Variants in IL2RB observed in about 807,000 individuals in gnomAD.
The protein encoded by IL2RB is interleukin-2 receptor subunit beta.
IL2RB carries 17 observed loss-of-function variants against 44.2 expected under a neutral mutation model. The ratio of observed to expected loss-of-function variants is 0.38; its 90% confidence interval spans 0.26 to 0.58. The LOEUF is 0.58. Among genes scored for constraint, IL2RB ranks in the 20% least tolerant of loss-of-function variants. The pLI, the probability that IL2RB is intolerant of heterozygous loss-of-function variation, is 0.63. For synonymous variants in IL2RB, 286 were observed against 297.9 expected (o/e 0.96, Z 0.41); for missense variants, 624 against 685.5 (o/e 0.91, Z 1.00).
chr22:37,143,460 T>C (rs1387789383), intron 3 of IL2RB, 61 bp downstream of exon 3: 3 of 1,142,828 alleles, frequency 2.6e-6, no homozygotes, highest in Non-Finnish European at 4.0e-6. Context: ...GTCCAGTGCA[T>C]AGGATCCAGA....
chr22:37,174,229 G>A (rs117229697), intron 1 of IL2RB, among the ~76,000 whole-genome samples: 7,244 of 152,304 alleles, frequency 0.048, 283 homozygotes, highest in Admixed American at 0.1. Context: ...GGAAGGGTTC[G>A]TCGCTGGGTT....
intron 5 of IL2RB, among the ~76,000 whole-genome samples, chr22:37,138,357 T>C (rs1370723308): frequency 6.6e-6 from 1 of 152,184 alleles, no homozygotes; most frequent in Non-Finnish European, 1.5e-5. Context: ...CAAAGATGCC[T>C]TACAAGCCTG....
intron 1 of IL2RB, among the ~76,000 whole-genome samples, chr22:37,145,239 C>T (rs556908493): frequency 2.2e-4 from 33 of 152,294 alleles, no homozygotes; most frequent in Non-Finnish European, 4.1e-4. Context: ...TACGGAGGAC[C>T]TTGTCCACAC....
intron 1 of IL2RB, among the ~76,000 whole-genome samples, chr22:37,158,274 G>A (rs1218244236): frequency 6.6e-6 from 1 of 152,044 alleles, no homozygotes; most frequent in Non-Finnish European, 1.5e-5. Flanking sequence ...GGAGGGCTGG[G>A]CGCGGTGGCT....
intron 9 of IL2RB, 135 bp downstream of exon 9, chr22:37,132,249 C>A (rs555904099): frequency 3.2e-6 from 2 of 632,570 alleles, no homozygotes; most frequent in Admixed American, 5.1e-5. Context: ...GAGAAGAGAC[C>A]CATGCACACC....
At chr22:37,143,704 C>T (rs1922082964) in intron 2 of IL2RB, 69 bp from the exon 3 acceptor site, 5 of 1,106,178 alleles carry the variant, frequency 4.5e-6, no homozygotes, top group Non-Finnish European at 6.9e-6. Context: ...ACGCCCACTG[C>T]CCCTGCACCT....
Position 37,135,357 on chromosome 22 carries a change from C to T in IL2RB, c.789G>A (p.Leu263=), listed in dbSNP as rs907625144. Reference sequence around the variant, plus strand: ...GCCCGGTGTTCCTGCAGTTGATCAGCAAGTACACTAAGATGATGAAGCCAA... The same window carrying T: ...GCCCGGTGTTCCTGCAGTTGATCAGTAAGTACACTAAGATGATGAAGCCAA... ...GAFGFIILVY[L]LINCRNTGPW... The change falls in exon 8 of 10, where the codon TTG becomes TTA. Residue 263 remains leucine, a synonymous_variant. Coordinates refer to ENST00000216223, the MANE Select transcript of IL2RB (RefSeq NM_000878.5). 1.9e-6 allele frequency: 3 copies of T among 1,613,864 alleles called. No homozygotes were observed. Among genetic ancestry groups the T allele is most frequent in the Non-Finnish European group, 2.5e-6 (3 of 1,179,826 alleles).
chr22:37,143,488 C>T (rs373354148), intron 3 of IL2RB, 33 bp downstream of exon 3: 87 of 1,390,300 alleles, frequency 6.3e-5, no homozygotes, highest in South Asian at 9.3e-5. Context: ...ATCCCACCAT[C>T]CTAAGATTCT....
chr22:37,168,210 G>A (rs1336382091), intron 1 of IL2RB, among the ~76,000 whole-genome samples: 1 of 152,230 alleles, frequency 6.6e-6, no homozygotes, highest in Non-Finnish European at 1.5e-5. Context: ...TGGCTAAGAC[G>A]TTATTAAAGA....
At chr22:37,147,354 A>G (rs552929184) in intron 1 of IL2RB, among the ~76,000 whole-genome samples, 196 of 152,322 alleles carry the variant, frequency 1.3e-3, no homozygotes, top group Non-Finnish European at 1.9e-3. Context: ...GTGCCCAGGC[A>G]GGGATCCTCC....
At chr22:37,165,235 A>ACCAGG (rs1923027594) in intron 1 of IL2RB, among the ~76,000 whole-genome samples, 1 of 152,228 alleles carries the variant, frequency 6.6e-6, no homozygotes, top group South Asian at 2.1e-4. Flanking sequence ...GCTCCTAACT[A>ACCAGG]CCAGGCTGCC....
chr22:37,128,105 G>T lies in IL2RB; in HGVS notation c.1647C>A (p.His549Gln). Residue 549 changes from histidine (H) to glutamine (Q), a missense_variant, in exon 10 of 10, where the codon CAC becomes CAA. Coordinates refer to ENST00000216223, the MANE Select transcript of IL2RB (RefSeq NM_000878.5). This position sits in a 1 kb window ranked among gnomAD's most constrained non-coding sequence, Gnocchi z 4.5. Reference sequence around the variant, plus strand: ...CACCCTGGCCATCTGTCTACACCAAGTGAGTTGGGTCCTGACCCTGGAGTT... The same window carrying T: ...CACCCTGGCCATCTGTCTACACCAATTGAGTTGGGTCCTGACCCTGGAGTT... The part of the protein sequence containing the change: ...LQELQGQDPT[H>Q]LV 1 of 1,562,844 alleles carries T rather than the reference G, an allele frequency of 6.4e-7. No individual in the cohort carries two copies. Among genetic ancestry groups the T allele is most frequent in the African/African-American group, 1.4e-5 (1 of 72,358 alleles).
chr22:37,148,594 A>G (rs1057068430), intron 1 of IL2RB, among the ~76,000 whole-genome samples: 3 of 152,072 alleles, frequency 2.0e-5, no homozygotes, highest in South Asian at 2.1e-4. Context: ...TGATTTTCAG[A>G]GAGATGCTGC....
At chr22:37,135,828 C>T (rs1004528506) in intron 7 of IL2RB, among the ~76,000 whole-genome samples, 1 of 152,134 alleles carries the variant, frequency 6.6e-6, no homozygotes, top group Non-Finnish European at 1.5e-5. Flanking sequence ...GAGGGACAGG[C>T]GCCCAGCAGA....
intron 4 of IL2RB, 91 bp from the exon 5 acceptor site, chr22:37,139,313 C>G (rs1483267674): frequency 2.5e-6 from 2 of 814,016 alleles, no homozygotes; most frequent in Middle Eastern, 2.3e-4. Flanking sequence ...AGGATGGCAG[C>G]CTCTCCACAT....
At chr22:37,144,275 G>C in intron 1 of IL2RB, 70 bp from the exon 2 acceptor site, 2 of 1,472,606 alleles carry the variant, frequency 1.4e-6, no homozygotes, top group Admixed American at 4.7e-5. Context: ...CTAGAGGCAG[G>C]CTGGGCCCGC....
Position 37,141,611 on chromosome 22 carries a change from C to T in IL2RB, c.282+823G>A, listed in dbSNP as rs1440947357. 1.3e-5 allele frequency among the ~76,000 whole-genome samples: 2 copies of T among 152,176 alleles called. No individual in the cohort carries two copies. Among genetic ancestry groups the T allele is most frequent in the Non-Finnish European group, 2.9e-5 (2 of 68,010 alleles). On this transcript the variant is annotated intron_variant, in intron 4 of 9. Coordinates refer to ENST00000216223, the MANE Select transcript of IL2RB (RefSeq NM_000878.5). The surrounding 1 kb of genome is among the most constrained non-coding windows in gnomAD (Gnocchi z 4.4). ...GCCCCCACAAGCTCAGGGGTGTCTG[C>T]TCCCACTGTCTGGCCTCCTCCTGCT...
rs191711822 is a variant in IL2RB at position 37,173,557 on chromosome 22, C to T, written c.-34+1401G>A. On this transcript the variant is annotated intron_variant, in intron 1 of 5. Coordinates refer to the IL2RB transcript ENST00000429622. Reference sequence around the variant, plus strand: ...AATTTTTAACATTTATAGAGCACCTCCTACGTACCAGTATTTTACATATAC... The same window carrying T: ...AATTTTTAACATTTATAGAGCACCTTCTACGTACCAGTATTTTACATATAC... 1.7e-3 allele frequency among the ~76,000 whole-genome samples: 256 copies of T among 152,330 alleles called. 2 individuals carry two copies. Among genetic ancestry groups the T allele is most frequent in the Non-Finnish European group, 3.8e-4 (26 of 68,038 alleles).
Position 37,128,406 on chromosome 22 carries a change from C to A in IL2RB, c.1346G>T (p.Gly449Val). 1.3e-6 allele frequency: 2 copies of A among 1,511,748 alleles called. No individual in the cohort carries two copies. The highest frequency in any genetic ancestry group is 1.8e-6 in the Non-Finnish European group (2 of 1,130,928). The allele number at this position is 1,511,748 out of a possible 1,614,324, so 93.6% of individuals were successfully genotyped here. A position where few individuals can be genotyped will look rare whatever the true frequency, so the allele number is the denominator to read the frequency against. Residue 449 changes from glycine (G) to valine (V), a missense_variant, in exon 10 of 10, where the codon GGG becomes GTG. Coordinates refer to ENST00000216223, the MANE Select transcript of IL2RB (RefSeq NM_000878.5). This position sits in a 1 kb window ranked among gnomAD's most constrained non-coding sequence, Gnocchi z 4.5. ...AGGGGGCATCCTCTCTTCACCGGCC[C>A]CACTGCCCCCAGGGGCAGTGCTTGG... ...SPPSTAPGGS[G>V]AGEERMPPSL...
Sources: allele counts gnomAD v4.1 joint callset (sites outside exome capture counted in the v4.1 genomes callset), GRCh38; gene constraint gnomAD v4.1.1; non-coding constraint Gnocchi (gnomAD v3.1); transcripts MANE v1.5; gene names NCBI Gene and HGNC (gene_info 2026-07-23, HGNC 2026-07-21).